MGAT5: variants seen among roughly 807,000 people sequenced by gnomAD.
MGAT5 encodes the protein alpha-1,6-mannosylglycoprotein 6-beta-N-acetylglucosaminyltransferase A.
In MGAT5, 30 loss-of-function variants were observed where a neutral mutation model predicts 94.3. The observed-to-expected ratio is 0.32, with a 90% CI of 0.24 to 0.43. The LOEUF (loss-of-function observed/expected upper bound fraction) is 0.43, where lower values mean the gene tolerates loss of function less well. MGAT5 is among the 20% of genes least tolerant of loss of function. The pLI, the probability that MGAT5 is intolerant of heterozygous loss-of-function variation, is 1.00. For missense variants in MGAT5, 691 were observed against 905.5 expected (o/e 0.76, Z 3.04); for synonymous variants, 310 against 322.9 (o/e 0.96, Z 0.43).
intron 1 of MGAT5, among the ~76,000 whole-genome samples, chr2:134,228,503 A>G (rs1479971980): frequency 1.3e-5 from 2 of 152,204 alleles, no homozygotes; most frequent in Admixed American, 6.5e-5. Context: ...TTATTGATTT[A>G]TGGCCTCTCA....
intron 1 of MGAT5, among the ~76,000 whole-genome samples, chr2:134,260,117 C>T (rs1229859197): frequency 1.3e-5 from 2 of 152,132 alleles, no homozygotes; most frequent in Non-Finnish European, 2.9e-5. Flanking sequence ...GTAGCTAGAA[C>T]GAAGCAAGCA....
chr2:134,381,270 A>T (rs1310446116), intron 10 of MGAT5, among the ~76,000 whole-genome samples: 1 of 151,952 alleles, frequency 6.6e-6, no homozygotes, highest in Non-Finnish European at 1.5e-5. Context: ...GTTAGCCATC[A>T]TCATGTTTGT....
At chr2:134,227,943 G>A (rs955087919) in intron 1 of MGAT5, among the ~76,000 whole-genome samples, 2 of 152,124 alleles carry the variant, frequency 1.3e-5, no homozygotes, top group Non-Finnish European at 2.9e-5. Context: ...CAGACATTAG[G>A]TAGACAGAAT....
intron 10 of MGAT5, among the ~76,000 whole-genome samples, chr2:134,381,363 ATAGATAAGATAAGATAGAT>A (rs1448918305): frequency 3.2e-4 from 27 of 84,754 alleles, no homozygotes; most frequent in Admixed American, 8.8e-4. Flanking sequence ...AGATAGATAG[ATAGATAAGATAAGATAGAT>A]TAGATAGATA....
At chr2:134,149,392 C>T (rs1034279828) in intron 1 of MGAT5, among the ~76,000 whole-genome samples, 3 of 150,786 alleles carry the variant, frequency 2.0e-5, no homozygotes, top group Admixed American at 2.0e-4. Flanking sequence ...TTTCCACTAG[C>T]AAGCATGTGA....
chr2:134,432,942 T>A (rs1200275851), intron 14 of MGAT5, among the ~76,000 whole-genome samples: 3 of 152,232 alleles, frequency 2.0e-5, no homozygotes, highest in Non-Finnish European at 4.4e-5. Context: ...AGGTATAGTT[T>A]ACAGACCATA....
Position 134,413,000 on chromosome 2 carries a change from G to A in MGAT5, c.1662G>A (p.Lys554=). 1 of 1,614,134 alleles carries A rather than the reference G, an allele frequency of 6.2e-7. No homozygotes were observed. The highest frequency in any genetic ancestry group is 8.5e-7 in the Non-Finnish European group (1 of 1,180,000). Residue 554 remains lysine (K), a synonymous_variant, in exon 12 of 16, where the codon AAG becomes AAA. Transcript: ENST00000281923. ...SSKNTDFFIG[K]PTLRELTSQH... ...AAAACACAGACTTTTTCATTGGCAA[G>A]CCAACTCTGAGAGAGGTAAGCATCT...
chr2:134,154,537 C>T (rs1038086032), intron 1 of MGAT5, among the ~76,000 whole-genome samples: 2 of 152,210 alleles, frequency 1.3e-5, no homozygotes, highest in African/African-American at 2.4e-5. Flanking sequence ...TCCCCATTGC[C>T]TGCACGGAGC....
At chr2:134,159,178 G>T (rs1687613305) in intron 1 of MGAT5, among the ~76,000 whole-genome samples, 1 of 133,596 alleles carries the variant, frequency 7.5e-6, no homozygotes, top group Non-Finnish European at 1.6e-5. Context: ...GGAGAACACT[G>T]GTCTAAATTC....
intron 1 of MGAT5, among the ~76,000 whole-genome samples, chr2:134,227,771 A>G (rs538459396): frequency 6.6e-6 from 1 of 152,266 alleles, no homozygotes; most frequent in African/African-American, 2.4e-5. Flanking sequence ...GGTTCGTGGC[A>G]GGTAGGGACC....
chr2:134,202,282 C>A (rs1003494946), intron 1 of MGAT5, among the ~76,000 whole-genome samples: 1 of 152,212 alleles, frequency 6.6e-6, no homozygotes, highest in African/African-American at 2.4e-5. Context: ...CCTTTCAGGC[C>A]TCTGATTAAA....
At chr2:134,201,683 G>GACAATAAC (rs1334646038) in intron 1 of MGAT5, among the ~76,000 whole-genome samples, 1 of 152,152 alleles carries the variant, frequency 6.6e-6, no homozygotes, top group Non-Finnish European at 1.5e-5. Context: ...ATTGTCAAGT[G>GACAATAAC]AGGTAACAGT....
At chr2:134,191,205 G>A (rs1689358562) in intron 1 of MGAT5, among the ~76,000 whole-genome samples, 1 of 152,252 alleles carries the variant, frequency 6.6e-6, no homozygotes, top group Admixed American at 6.5e-5. Context: ...GGCATGTGCT[G>A]TTTTAAAGTG....
intron 11 of MGAT5, among the ~76,000 whole-genome samples, chr2:134,411,148 T>C (rs896390577): frequency 6.6e-6 from 1 of 152,216 alleles, no homozygotes; most frequent in African/African-American, 2.4e-5. Context: ...CTGAGCCACA[T>C]GTCCAGGCCA....
intron 1 of MGAT5, among the ~76,000 whole-genome samples, chr2:134,142,712 G>A (rs1385271605): frequency 2.0e-5 from 3 of 152,208 alleles, no homozygotes; most frequent in Non-Finnish European, 4.4e-5. Flanking sequence ...AGGTGTTGGG[G>A]CTGTCTTGAC....
chr2:134,301,769 G>A (rs770137995), intron 2 of MGAT5, among the ~76,000 whole-genome samples: 10 of 152,162 alleles, frequency 6.6e-5, no homozygotes, highest in Non-Finnish European at 1.2e-4. Context: ...GAATAAGGAC[G>A]TGCTGGAACA....
chr2:134,444,086 C>T (rs553924760), intron 15 of MGAT5, among the ~76,000 whole-genome samples: 1 of 152,340 alleles, frequency 6.6e-6, no homozygotes, highest in African/African-American at 2.4e-5. Flanking sequence ...CCACTCCCCT[C>T]AGTTCTGCCA....
intron 10 of MGAT5, among the ~76,000 whole-genome samples, chr2:134,378,461 C>T (rs1681327683): frequency 6.6e-6 from 1 of 152,150 alleles, no homozygotes; most frequent in African/African-American, 2.4e-5. Flanking sequence ...CAGTTAAGAG[C>T]ATGGGCTTTA....
chr2:134,251,626 T>C (rs1026049033), upstream of MGAT5, among the ~76,000 whole-genome samples: 1 of 152,148 alleles, frequency 6.6e-6, no homozygotes, highest in African/African-American at 2.4e-5. Flanking sequence ...GTTTTAAAAA[T>C]TTTTTTAAAT....
Sources: gnomAD v4.1 joint callset for allele counts (sites outside exome capture counted in the v4.1 genomes callset) on GRCh38, gnomAD v4.1.1 for gene constraint, MANE v1.5 for transcripts, NCBI Gene and HGNC (gene_info 2026-07-23, HGNC 2026-07-21) for gene names.